ZBTB20: variants seen among roughly 807,000 people sequenced by gnomAD.
ZBTB20 encodes the protein zinc finger and BTB domain containing 20.
Under a neutral mutation model 56.9 loss-of-function variants are expected in ZBTB20, and 9 were observed. The observed-to-expected ratio is 0.16, with a 90% CI of 0.10 to 0.28. The LOEUF is 0.28. Among genes scored for constraint, ZBTB20 ranks in the 10% least tolerant of loss-of-function variants. The pLI, the probability that ZBTB20 is intolerant of heterozygous loss-of-function variation, is 1.00. For missense variants in ZBTB20, 655 were observed against 1,003.0 expected, an observed-to-expected ratio of 0.65 and a Z score of 4.69; for synonymous variants, 417 against 420.7, an observed-to-expected ratio of 0.99 and a Z score of 0.11.
intron 4 of ZBTB20, among the ~76,000 whole-genome samples, chr3:114,822,594 T>G (rs1403391884): frequency 6.6e-6 from 1 of 152,032 alleles, no homozygotes; most frequent in Non-Finnish European, 1.5e-5. Flanking sequence ...AAAACAAACA[T>G]TCTACCTAGG....
Position 114,910,305 on chromosome 3 carries a change from G to GCACACA in ZBTB20, c.-455-9969_-455-9964dup, listed in dbSNP as rs62885462. Among the ~76,000 whole-genome samples, 38 of 146,364 alleles carry GCACACA rather than the reference G, an allele frequency of 2.6e-4. No individual in the cohort carries two copies. The South Asian group carries it at 4.6e-3, about 18-fold the overall frequency. On this transcript the variant is annotated intron_variant, in intron 3 of 11. Coordinates refer to ENST00000675478, the MANE Select transcript of ZBTB20 (RefSeq NM_001348800.3). ...AACATACACACACACATGCACGCGT[G>GCACACA]CACACACACACACACACACACACAC...
chr3:114,662,526 G>C (rs1258656583), intron 6 of ZBTB20, among the ~76,000 whole-genome samples: 1 of 144,466 alleles, frequency 6.9e-6, no homozygotes, highest in Non-Finnish European at 1.5e-5. Context: ...CACCAACAGT[G>C]TAAAAGTGTT....
At position 114,796,359 on chromosome 3, in the gene ZBTB20, G is replaced by A. The variant is rs1215579907; in HGVS notation, c.-343+4742C>T. Among the ~76,000 whole-genome samples, 7 of 152,060 alleles carry A rather than the reference G, an allele frequency of 4.6e-5. No homozygotes were observed. In the East Asian group the frequency reaches 1.2e-3, roughly 25 times the overall value. On this transcript the variant is annotated intron_variant, in intron 5 of 11. Transcript: ENST00000675478. ...CCTGAGTTTATAGTACATACAACCC[G>A]GTAGGTGACAATTAACTAAGAAATG...
At chr3:114,900,473 T>A (rs529288009) in intron 3 of ZBTB20, 131 bp from the exon 4 acceptor site, 1 of 151,608 alleles carries the variant, frequency 6.6e-6, no homozygotes, top group African/African-American at 2.4e-5. Flanking sequence ...TTTTTATCAA[T>A]ATTTTCCCTA....
chr3:114,809,083 C>CT (rs11444286), intron 4 of ZBTB20, among the ~76,000 whole-genome samples: 147,092 of 151,614 alleles, frequency 0.97, 71,435 homozygotes, highest in East Asian at 1. Context: ...ATGTAACAGT[C>CT]TTTTTTTTCT....
chr3:114,449,719 C>T (rs1198896601), intron 7 of ZBTB20, among the ~76,000 whole-genome samples: 1 of 145,328 alleles, frequency 6.9e-6, no homozygotes, highest in Non-Finnish European at 1.5e-5. Context: ...ACAAAAGATA[C>T]ATGTGTTCCT....
intron 10 of ZBTB20, among the ~76,000 whole-genome samples, chr3:114,376,856 C>T (rs1361136518): frequency 1.3e-5 from 2 of 152,206 alleles, no homozygotes; most frequent in East Asian, 1.9e-4. Context: ...GGTGGATCTA[C>T]AGCAGAAGTA....
intron 5 of ZBTB20, among the ~76,000 whole-genome samples, chr3:114,758,540 C>T (rs908593780): frequency 1.3e-5 from 2 of 152,084 alleles, no homozygotes; most frequent in African/African-American, 2.4e-5. Flanking sequence ...CACTGTATGA[C>T]GTGTCATAAT....
intron 7 of ZBTB20, among the ~76,000 whole-genome samples, chr3:114,451,792 T>C (rs1422836812): frequency 6.6e-6 from 1 of 152,172 alleles, no homozygotes; most frequent in Admixed American, 6.5e-5. Flanking sequence ...AGGGCCAGTG[T>C]ATTCCAGCTC....
At chr3:114,845,024 C>T (rs958296664) in intron 4 of ZBTB20, among the ~76,000 whole-genome samples, 1 of 151,836 alleles carries the variant, frequency 6.6e-6, no homozygotes, top group African/African-American at 2.4e-5. Flanking sequence ...CTTACCTTTT[C>T]ATTTTCTTAA....
chr3:114,634,304 T>A (rs537248660), intron 6 of ZBTB20, among the ~76,000 whole-genome samples: 3 of 152,322 alleles, frequency 2.0e-5, no homozygotes, highest in African/African-American at 7.2e-5. Flanking sequence ...AGAAGCACTA[T>A]TCAGCTCAAA....
chr3:114,432,502 A>G (rs2090193812), intron 7 of ZBTB20, among the ~76,000 whole-genome samples: 1 of 152,228 alleles, frequency 6.6e-6, no homozygotes, highest in Non-Finnish European at 1.5e-5. Context: ...GGCCTGCCAC[A>G]GCCAAAAAGC....
At chr3:114,700,561 A>G (rs542462182) in intron 5 of ZBTB20, among the ~76,000 whole-genome samples, 1 of 152,258 alleles carries the variant, frequency 6.6e-6, no homozygotes, top group South Asian at 2.1e-4. Context: ...CTACATCAGG[A>G]CACCTTTCGT....
At chr3:114,555,077 G>C (rs2051035435) in intron 6 of ZBTB20, among the ~76,000 whole-genome samples, 1 of 152,100 alleles carries the variant, frequency 6.6e-6, no homozygotes. Context: ...CAAAGGCCTG[G>C]ACTTTTCTTA....
chr3:114,739,789 C>G (rs1249990805), intron 5 of ZBTB20, among the ~76,000 whole-genome samples: 1 of 152,170 alleles, frequency 6.6e-6, no homozygotes, highest in Non-Finnish European at 1.5e-5. Flanking sequence ...AGAGGCTGAA[C>G]TACAGAGCCT....
intron 6 of ZBTB20, among the ~76,000 whole-genome samples, chr3:114,612,031 G>A (rs1014415078): frequency 2.0e-4 from 31 of 152,134 alleles, no homozygotes; most frequent in African/African-American, 7.5e-4. Context: ...ACTACTTCCT[G>A]TATACACCAA....
In ZBTB20 at chr3:114,784,902, A is replaced by G. The variant is rs142545474; in HGVS notation, c.-343+16199T>C. Among the ~76,000 whole-genome samples, 562 of 152,310 alleles carry G rather than the reference A, an allele frequency of 3.7e-3. 1 individual carries two copies. The highest frequency in any genetic ancestry group is 0.015 in the South Asian group (72 of 4,830). On this transcript the variant is annotated intron_variant, in intron 5 of 11. Transcript: ENST00000675478. ...CTAACAGTTAACTGGAGTACTAACC[A>G]TGTGCAAAGCACACTGTAATTATTT...
At chr3:114,381,691 T>C (rs2084361084) in intron 8 of ZBTB20, among the ~76,000 whole-genome samples, 1 of 152,258 alleles carries the variant, frequency 6.6e-6, no homozygotes, top group Non-Finnish European at 1.5e-5. Flanking sequence ...GAATATTTTG[T>C]ATTTAAATTT....
intron 7 of ZBTB20, among the ~76,000 whole-genome samples, chr3:114,472,202 G>A (rs1484368832): frequency 2.0e-5 from 3 of 152,160 alleles, no homozygotes; most frequent in Non-Finnish European, 4.4e-5. Flanking sequence ...TTTACAAGCT[G>A]AGCAGAATTC....
Sources: allele counts gnomAD v4.1 joint callset (sites outside exome capture counted in the v4.1 genomes callset), GRCh38; gene constraint gnomAD v4.1.1; transcripts MANE v1.5; gene names NCBI Gene and HGNC (gene_info 2026-07-23, HGNC 2026-07-21).